The following FUBP3 variants were observed in gnomAD, a reference collection of about 807,000 sequenced individuals.
FUBP3 encodes the protein far upstream element-binding protein 3.
A neutral mutation model predicts 85.6 loss-of-function variants in FUBP3; 28 were observed. The observed-to-expected ratio is 0.33, with a 90% CI of 0.24 to 0.45. FUBP3 has a LOEUF of 0.45. Ranked by LOEUF, FUBP3 falls within the 20% of genes least tolerant of loss-of-function variation. The pLI is 1.00. For synonymous variants in FUBP3, 271 were observed against 271.4 expected (o/e 1.00, Z 0.01); for missense variants, 583 against 755.1 (o/e 0.77, Z 2.67).
chr9:130,625,461 A>G (rs1256838754), intron 11 of FUBP3, among the ~76,000 whole-genome samples: 1 of 152,242 alleles, frequency 6.6e-6, no homozygotes, highest in African/African-American at 2.4e-5. Context: ...CTTAATCAAC[A>G]TGAGCAGGTT....
intron 8 of FUBP3, among the ~76,000 whole-genome samples, chr9:130,620,146 G>A (rs866450030): frequency 3.9e-5 from 6 of 152,160 alleles, no homozygotes; most frequent in Admixed American, 6.5e-5. Flanking sequence ...ACCCTTCCCC[G>A]TGTGGACATT....
At chr9:130,590,021 ATTTTTTTT>A (rs60878897) in intron 1 of FUBP3, among the ~76,000 whole-genome samples, 996 of 46,028 alleles carry the variant, frequency 0.022, 14 homozygotes, top group African/African-American at 0.085. Context: ...GGCCTATTTA[ATTTTTTTT>A]TTTTTTTTTT....
rs574131728 is a variant in FUBP3, at chr9:130,627,528, C to T, written c.1117+1023C>T. On this transcript the variant is annotated intron_variant, in intron 12 of 18. Coordinates refer to ENST00000319725, the MANE Select transcript of FUBP3 (RefSeq NM_003934.2). ...CTCACCTCCCAGGAGCTGCCCTCGT[C>T]CCTGCTCACAGACACTGTGGGCTTA... is the stretch of plus-strand genomic sequence containing the variant. Among the ~76,000 whole-genome samples, 33 of 152,358 alleles carry T rather than the reference C, an allele frequency of 2.2e-4. 1 individual carries two copies. The East Asian group carries it at 6.4e-3, about 29-fold the overall frequency.
At position 130,617,802 on chromosome 9, in the gene FUBP3, G is replaced by A; in HGVS notation, c.573G>A (p.Arg191=). Residue 191 remains arginine, a synonymous_variant, in exon 8 of 19, where the codon CGG becomes CGA. Transcript: ENST00000319725. ...GGETIKQLQE[R]TGVKMVMIQD... is the part of the protein sequence containing the mutation. ...CTGGTGTGTGTTCCCCACAGGAGCG[G>A]ACAGGGGTGAAGATGGTCATGATCC... The A allele has an allele frequency of 6.3e-7, 1 of 1,588,070 alleles. No individual in the cohort carries two copies. The highest frequency in any genetic ancestry group is 1.7e-5 in the Admixed American group (1 of 60,006).
rs1216497647 is a variant in FUBP3 at position 130,620,406 on chromosome 9, T to G, written c.719T>G (p.Phe240Cys). ...EIIREKDQADFRGVRGDFNSR... is the reference protein window; with the variant it reads ...EIIREKDQADCRGVRGDFNSR... The stretch of plus-strand genomic sequence containing the variant: ...ATCCGAGAAAAAGACCAAGCTGACT[T>G]TCGGGGTGTACGCGGCGATTTCAAC... Residue 240 changes from phenylalanine (F) to cysteine (C), a missense_variant, in exon 9 of 19, where the codon TTT (phenylalanine) becomes TGT (cysteine). Transcript: ENST00000319725. 1 of 1,606,330 alleles carries G rather than the reference T, an allele frequency of 6.2e-7. No homozygotes were observed. The highest frequency in any genetic ancestry group is 1.1e-5 in the South Asian group (1 of 89,642).
chr9:130,587,055 GTT>G (rs369585277), intron 1 of FUBP3, among the ~76,000 whole-genome samples: 18 of 119,324 alleles, frequency 1.5e-4, no homozygotes, highest in South Asian at 2.9e-4. Flanking sequence ...GGCGTTTTTT[GTT>G]TTTTTTTTTT....
At chr9:130,603,735 A>G (rs746232693) in intron 2 of FUBP3, among the ~76,000 whole-genome samples, 2 of 152,240 alleles carry the variant, frequency 1.3e-5, no homozygotes, top group African/African-American at 2.4e-5. Flanking sequence ...TGCCTGTTAC[A>G]TTCTTCGCAG....
At chr9:130,632,143 G>A (rs190578014) in intron 15 of FUBP3, 59 bp from the exon 16 acceptor site, 1 of 1,493,728 alleles carries the variant, frequency 6.7e-7, no homozygotes, top group Non-Finnish European at 9.3e-7. Flanking sequence ...CAGTGAAGAG[G>A]GAGACGACAG....
At chr9:130,592,986 A>G (rs1342272915) in intron 1 of FUBP3, among the ~76,000 whole-genome samples, 1 of 152,032 alleles carries the variant, frequency 6.6e-6, no homozygotes, top group Non-Finnish European at 1.5e-5. Context: ...TTTGGAACAT[A>G]TCTAGTTCCT....
intron 2 of FUBP3, among the ~76,000 whole-genome samples, chr9:130,597,281 A>T (rs545070474): frequency 6.6e-6 from 1 of 152,242 alleles, no homozygotes; most frequent in Non-Finnish European, 1.5e-5. Flanking sequence ...GACCCAAATA[A>T]CACCTCCAAA....
chr9:130,612,365 G>A lies in FUBP3; in HGVS notation c.225-91G>A, dbSNP rs774919633. The A allele has an allele frequency of 2.5e-5, 19 of 756,226 alleles. 1 individual carries two copies. The highest frequency in any genetic ancestry group is 4.2e-5 in the Non-Finnish European group (18 of 431,794). 46.8% of individuals were successfully genotyped at this position (756,226 alleles called of 1,614,324 possible). A position where few individuals can be genotyped will look rare whatever the true frequency, so the allele number is the denominator to read the frequency against. On this transcript the variant is annotated intron_variant, in intron 3 of 18. Transcript: ENST00000319725. This position sits in a 1 kb window ranked among gnomAD's most constrained non-coding sequence, Gnocchi z 4.1. ...CTGATGTATTTTAAGCTTTTATCATGCAACATTGCCAGTATGGGCAGTTTG... is the reference window on the plus strand; with the variant it reads ...CTGATGTATTTTAAGCTTTTATCATACAACATTGCCAGTATGGGCAGTTTG...
intron 9 of FUBP3, among the ~76,000 whole-genome samples, chr9:130,620,901 A>G (rs1030763273): frequency 1.3e-5 from 2 of 152,198 alleles, no homozygotes; most frequent in African/African-American, 2.4e-5. Context: ...ACAGATACAG[A>G]ACAAATATTG....
chr9:130,612,836 C>A lies in FUBP3; in HGVS notation c.275-120C>A. On this transcript the variant is annotated intron_variant, in intron 4 of 18. Transcript: ENST00000319725. This position sits in a 1 kb window ranked among gnomAD's most constrained non-coding sequence, Gnocchi z 4.1. ...AAGAGTGGAGATGGGCTCACGGGGGCCAACTCGATGTGTAGTATTGTGAGC... is the reference window on the plus strand; with the variant it reads ...AAGAGTGGAGATGGGCTCACGGGGGACAACTCGATGTGTAGTATTGTGAGC... 17 of 726,458 alleles carry A rather than the reference C, an allele frequency of 2.3e-5. No individual in the cohort carries two copies. In the South Asian group the frequency reaches 2.9e-4, roughly 12 times the overall value. 45.0% of individuals were successfully genotyped at this position (726,458 alleles called of 1,614,324 possible).
At chr9:130,594,497 C>T (rs1252241928) in intron 1 of FUBP3, among the ~76,000 whole-genome samples, 2 of 151,964 alleles carry the variant, frequency 1.3e-5, no homozygotes, top group African/African-American at 2.4e-5. Context: ...GCAGGAGAAT[C>T]GCTTGAACCC....
At chr9:130,592,499 T>C (rs1197066360) in intron 1 of FUBP3, among the ~76,000 whole-genome samples, 2 of 152,172 alleles carry the variant, frequency 1.3e-5, no homozygotes, top group Non-Finnish European at 2.9e-5. Flanking sequence ...CCTTCCTTCC[T>C]TCTTCCTATC....
chr9:130,624,589 T>C (rs1020859064), intron 11 of FUBP3, among the ~76,000 whole-genome samples: 2 of 151,626 alleles, frequency 1.3e-5, no homozygotes, highest in African/African-American at 4.8e-5. Context: ...TCATAAACTT[T>C]CTTAAAATGT....
intron 1 of FUBP3, among the ~76,000 whole-genome samples, chr9:130,593,136 A>G (rs1830709123): frequency 6.6e-6 from 1 of 152,040 alleles, no homozygotes; most frequent in African/African-American, 2.4e-5. Context: ...ATCACGTAGG[A>G]CTCAGATGTC....
rs1831041441 is a variant in FUBP3 at position 130,599,436 on chromosome 9, G to A, written c.190+3848G>A. ...TTAATATGCTAGGCAGTGGAACAAG[G>A]GAAAGGATTTGTTCCTGATATAGAA... On this transcript the variant is annotated intron_variant, in intron 2 of 18. Coordinates refer to ENST00000319725, the MANE Select transcript of FUBP3 (RefSeq NM_003934.2). Among the ~76,000 whole-genome samples, 4 of 151,576 alleles carry A rather than the reference G, an allele frequency of 2.6e-5. 1 individual carries two copies. The South Asian group carries it at 8.3e-4, about 32-fold the overall frequency.
chr9:130,630,839 T>C, intron 13 of FUBP3, 51 bp downstream of exon 13: 1 of 1,334,348 alleles, frequency 7.5e-7, no homozygotes, highest in African/African-American at 1.5e-5. Context: ...TGTTTTCTTG[T>C]GGATGTCCAA....
Sources: allele counts gnomAD v4.1 joint callset (sites outside exome capture counted in the v4.1 genomes callset), GRCh38; gene constraint gnomAD v4.1.1; non-coding constraint Gnocchi (gnomAD v3.1); transcripts MANE v1.5; gene names NCBI Gene and HGNC (gene_info 2026-07-23, HGNC 2026-07-21).